GLCCI1: variants seen among roughly 807,000 people sequenced by gnomAD.
GLCCI1 encodes the protein glucocorticoid induced 1, also known as glucocorticoid-induced transcript 1 protein.
Under a neutral mutation model 52.2 loss-of-function variants are expected in GLCCI1, and 24 were observed. The ratio of observed to expected loss-of-function variants is 0.46; its 90% CI spans 0.33 to 0.65. The LOEUF (loss-of-function observed/expected upper bound fraction) is 0.65, where lower values mean the gene tolerates loss of function less well. Among genes scored for constraint, GLCCI1 ranks in the 30% least tolerant of loss-of-function variants. GLCCI1 has a pLI of 0.02. For missense variants in GLCCI1, 704 were observed against 701.5 expected (o/e 1.00, Z -0.04); for synonymous variants, 310 against 276.5 (o/e 1.12, Z -1.20).
At chr7:8,030,842 C>G (rs1466941804) in intron 3 of GLCCI1, among the ~76,000 whole-genome samples, 1 of 152,074 alleles carries the variant, frequency 6.6e-6, no homozygotes, top group East Asian at 1.9e-4. Flanking sequence ...GAGGTATCAT[C>G]TCACCCCAGT....
intron 2 of GLCCI1, among the ~76,000 whole-genome samples, chr7:8,020,259 A>G (rs747425814): frequency 6.6e-6 from 1 of 152,154 alleles, no homozygotes; most frequent in African/African-American, 2.4e-5. Context: ...AGACATCACT[A>G]GGTAATAGGA....
chr7:8,022,583 G>T lies in GLCCI1; in HGVS notation c.696+14G>T, dbSNP rs750003735. The T allele has an allele frequency of 1.0e-5, 16 of 1,528,808 alleles. No individual in the cohort carries two copies. Among genetic ancestry groups the T allele is most frequent in the Middle Eastern group, 1.7e-4 (1 of 5,786 alleles). The allele number at this position is 1,528,808 out of a possible 1,614,324, so 94.7% of individuals were successfully genotyped here. A position where few individuals can be genotyped will look rare whatever the true frequency, so the allele number is the denominator to read the frequency against. ...CAACTAAAAGAGGTAAGTTATTTCT[G>T]TTTTCCGTCTGTAACCTGTTTTGGT... is the stretch of plus-strand genomic sequence containing the variant. On this transcript the variant is annotated intron_variant, in intron 3 of 7. Coordinates refer to ENST00000223145, the MANE Select transcript of GLCCI1 (RefSeq NM_138426.4).
Position 7,986,396 on chromosome 7 carries a change from G to T in GLCCI1, c.457+16589G>T, listed in dbSNP as rs535225767. On this transcript the variant is annotated intron_variant, in intron 1 of 7. Coordinates refer to ENST00000223145, the MANE Select transcript of GLCCI1 (RefSeq NM_138426.4). Reference sequence around the variant, plus strand: ...GAGCAGGGGGAGGGGGGGGTGGCAGGCACCTGTAGTCCCAGCTACTCAGGA... The same window carrying T: ...GAGCAGGGGGAGGGGGGGGTGGCAGTCACCTGTAGTCCCAGCTACTCAGGA... Among the ~76,000 whole-genome samples the T allele has an allele frequency of 3.3e-5, 5 of 151,830 alleles. No homozygotes were observed. In the East Asian group the frequency reaches 5.8e-4, roughly 18 times the overall value.
In GLCCI1 at chr7:8,024,138, A is replaced by G. The variant is rs1019464703; in HGVS notation, c.696+1569A>G. ...ATTTCTCTCAAATTTTTTTTCATAT[A>G]CCAGTTTCCAGGCCTCTTTGTATAA... On this transcript the variant is annotated intron_variant, in intron 3 of 7. Transcript: ENST00000223145. 3.9e-5 allele frequency among the ~76,000 whole-genome samples: 6 copies of G among 152,036 alleles called. 1 individual carries two copies. The highest frequency in any genetic ancestry group is 9.7e-5 in the African/African-American group (4 of 41,378).
rs1204967714 is a variant in GLCCI1 at position 8,058,288 on chromosome 7, A to G, written c.814-1808A>G. Reference sequence around the variant, plus strand: ...ATAAATGGGAAGTCTTAACACATTAATAGATGGGAAGATTCAGTATTTTTC... The same window carrying G: ...ATAAATGGGAAGTCTTAACACATTAGTAGATGGGAAGATTCAGTATTTTTC... On this transcript the variant is annotated intron_variant, in intron 4 of 7. Transcript: ENST00000223145. Among the ~76,000 whole-genome samples the G allele has an allele frequency of 6.6e-5, 10 of 152,224 alleles. No individual in the cohort carries two copies. In the East Asian group the frequency reaches 1.7e-3, roughly 26 times the overall value.
intron 2 of GLCCI1, among the ~76,000 whole-genome samples, chr7:8,019,654 G>A (rs1398508278): frequency 6.6e-6 from 1 of 152,132 alleles, no homozygotes; most frequent in African/African-American, 2.4e-5. Context: ...CCTAGATGGT[G>A]TAGCCTACTA....
At chr7:8,035,361 T>TG (rs1391155663) in intron 3 of GLCCI1, among the ~76,000 whole-genome samples, 1 of 152,192 alleles carries the variant, frequency 6.6e-6, no homozygotes, top group Non-Finnish European at 1.5e-5. Context: ...AGCACAGATG[T>TG]GGAGAAGGGA....
intron 3 of GLCCI1, among the ~76,000 whole-genome samples, chr7:8,029,717 A>G (rs1454547284): frequency 2.0e-5 from 3 of 152,184 alleles, no homozygotes; most frequent in African/African-American, 7.2e-5. Context: ...AAGTTGCAGA[A>G]CACAAAGTCA....
In GLCCI1 at chr7:8,086,426, G is replaced by C. The variant is rs1467724886; in HGVS notation, c.1532G>C (p.Ser511Thr). ...VSFTSLSDDT[S>T]TAGSMEASVQ... ...TTTACGTCTCTTTCTGATGACACCAGCACAGCGGGCTCCATGGAGGCCTCT... is the reference window on the plus strand; with the variant it reads ...TTTACGTCTCTTTCTGATGACACCACCACAGCGGGCTCCATGGAGGCCTCT... Residue 511 changes from serine to threonine, a missense_variant, in exon 8 of 8, where the codon AGC becomes ACC. Coordinates refer to ENST00000223145, the MANE Select transcript of GLCCI1 (RefSeq NM_138426.4). The surrounding 1 kb of genome is among the most constrained non-coding windows in gnomAD (Gnocchi z 4.4). The C allele has an allele frequency of 6.2e-7, 1 of 1,614,136 alleles. No individual in the cohort carries two copies. The highest frequency in any genetic ancestry group is 2.2e-5 in the East Asian group (1 of 44,874).
At chr7:7,978,059 G>A (rs959056935) in intron 1 of GLCCI1, among the ~76,000 whole-genome samples, 2 of 152,202 alleles carry the variant, frequency 1.3e-5, no homozygotes, top group African/African-American at 4.8e-5. Context: ...GGGACTAGAC[G>A]CTAGGGTGCA....
intron 5 of GLCCI1, among the ~76,000 whole-genome samples, chr7:8,066,299 C>A (rs994016286): frequency 2.6e-5 from 4 of 151,976 alleles, no homozygotes; most frequent in Non-Finnish European, 4.4e-5. Context: ...CTTTATTAGT[C>A]TAGCTAGCAG....
At chr7:8,062,008 C>G (rs1447356597) in intron 5 of GLCCI1, among the ~76,000 whole-genome samples, 1 of 152,054 alleles carries the variant, frequency 6.6e-6, no homozygotes, top group African/African-American at 2.4e-5. Context: ...AGTTTAAGAA[C>G]AGTCATGTAA....
intron 1 of GLCCI1, among the ~76,000 whole-genome samples, chr7:7,998,540 CT>C (rs1439702085): frequency 6.6e-6 from 1 of 152,104 alleles, no homozygotes; most frequent in East Asian, 1.9e-4. Flanking sequence ...ATTGTAACTA[CT>C]TTTAACTTTT....
chr7:7,991,845 GA>G (rs1184130691), intron 1 of GLCCI1, among the ~76,000 whole-genome samples: 10 of 152,002 alleles, frequency 6.6e-5, no homozygotes, highest in African/African-American at 9.7e-5. Context: ...GATGCACTTG[GA>G]ACTTTGTGAG....
Position 7,969,494 on chromosome 7 carries a change from C to A in GLCCI1, c.144C>A (p.Gly48=). 9.9e-7 allele frequency: 1 copy of A among 1,013,920 alleles called. No homozygotes were observed. The highest frequency in any genetic ancestry group is 1.2e-6 in the Non-Finnish European group (1 of 850,972). The allele number at this position is 1,013,920 out of a possible 1,614,324, so 62.8% of individuals were successfully genotyped here. ...GGAACGGTGCGGGCGGCGGCGGCGG[C>A]GTGGGCTGCGCCCCGGCTGCGGGAG... ...GSGNGAGGGG[G]VGCAPAAGAG... The change falls in exon 1 of 8, where the codon GGC becomes GGA. Residue 48 remains glycine, a synonymous_variant. Transcript: ENST00000223145. This position sits in a 1 kb window ranked among gnomAD's most constrained non-coding sequence, Gnocchi z 4.9.
At chr7:8,059,606 A>G (rs1782471260) in intron 4 of GLCCI1, among the ~76,000 whole-genome samples, 1 of 152,220 alleles carries the variant, frequency 6.6e-6, no homozygotes, top group Non-Finnish European at 1.5e-5. Context: ...CTGTTGCCAC[A>G]TTACTTAATA....
chr7:8,047,576 A>T (rs1782160629), intron 3 of GLCCI1, among the ~76,000 whole-genome samples: 1 of 152,196 alleles, frequency 6.6e-6, no homozygotes, highest in African/African-American at 2.4e-5. Flanking sequence ...GCATTAGTTT[A>T]TATAGTGTCA....
At chr7:8,033,561 T>A (rs763975100) in intron 3 of GLCCI1, among the ~76,000 whole-genome samples, 4 of 152,160 alleles carry the variant, frequency 2.6e-5, no homozygotes, top group Non-Finnish European at 4.4e-5. Flanking sequence ...TTACATGATA[T>A]GAGATCAACA....
intron 6 of GLCCI1, among the ~76,000 whole-genome samples, chr7:8,075,792 GT>G (rs2127966542): frequency 6.6e-6 from 1 of 152,296 alleles, no homozygotes; most frequent in African/African-American, 2.4e-5. Context: ...TATTCCAAGA[GT>G]CCCTAAATTG....
Sources: allele counts gnomAD v4.1 joint callset (sites outside exome capture counted in the v4.1 genomes callset), GRCh38; gene constraint gnomAD v4.1.1; non-coding constraint Gnocchi (gnomAD v3.1); transcripts MANE v1.5; gene names NCBI Gene and HGNC (gene_info 2026-07-23, HGNC 2026-07-21).